UBA3: variants seen among roughly 807,000 people sequenced by gnomAD.
The protein encoded by UBA3 is NEDD8-activating enzyme E1 catalytic subunit.
UBA3 carries 26 observed loss-of-function variants against 73.5 expected under a neutral mutation model. That is an observed-to-expected ratio of 0.35 (90% CI 0.26 to 0.49). The LOEUF (loss-of-function observed/expected upper bound fraction) is 0.49, where lower values mean the gene tolerates loss of function less well. Among genes scored for constraint, UBA3 ranks in the 20% least tolerant of loss-of-function variants. The pLI is 0.98. For missense variants in UBA3, 495 were observed against 555.6 expected (o/e 0.89, Z 1.10); for synonymous variants, 217 against 191.2 (o/e 1.13, Z -1.11).
intron 11 of UBA3, among the ~76,000 whole-genome samples, chr3:69,060,743 C>T (rs1037330072): frequency 2.0e-5 from 3 of 152,102 alleles, no homozygotes; most frequent in South Asian, 2.1e-4. Context: ...GTGTTTGGAC[C>T]GTTAGGGCAG....
intron 11 of UBA3, among the ~76,000 whole-genome samples, chr3:69,057,699 A>T (rs1004302603): frequency 6.6e-5 from 10 of 152,332 alleles, no homozygotes; most frequent in African/African-American, 1.7e-4. Context: ...TTAGTAATTT[A>T]TCCACAGCTA....
intron 1 of UBA3, 63 bp from the exon 2 acceptor site, chr3:69,080,216 G>A (rs2092206995): frequency 6.5e-7 from 1 of 1,541,494 alleles, no homozygotes; most frequent in Non-Finnish European, 8.8e-7. Context: ...CGAGGGGAGG[G>A]GGGCGAGGGG....
chr3:69,054,746 T>C lies in UBA3; in HGVS notation c.*691A>G, dbSNP rs1318956278. 3 of 152,222 alleles carry C rather than the reference T, an allele frequency of 2.0e-5. No individual in the cohort carries two copies. The highest frequency in any genetic ancestry group is 7.2e-5 in the African/African-American group (3 of 41,454). 9.4% of individuals were successfully genotyped at this position (152,222 alleles called of 1,614,324 possible). A position where few individuals can be genotyped will look rare whatever the true frequency, so the allele number is the denominator to read the frequency against. On this transcript the variant is annotated 3_prime_UTR_variant, in exon 18 of 18. Coordinates refer to ENST00000361055, the MANE Select transcript of UBA3 (RefSeq NM_003968.4). ...TGAAAGAAGTACACAATATATGATT[T>C]TATTAATAAATAGTGCAAAAGCATC...
chr3:69,055,929 G>A (rs775525165), intron 16 of UBA3, 24 bp from the exon 17 acceptor site: 2 of 1,605,306 alleles, frequency 1.2e-6, no homozygotes, highest in South Asian at 1.1e-5. Context: ...TTACTTTAAT[G>A]TAAGACACAT....
intron 11 of UBA3, among the ~76,000 whole-genome samples, chr3:69,059,651 A>T (rs1436106445): frequency 6.6e-6 from 1 of 152,170 alleles, no homozygotes; most frequent in Non-Finnish European, 1.5e-5. Context: ...CCGTGTAGGG[A>T]GAATGCAGAG....
At chr3:69,057,179 A>G (rs549379682) in intron 12 of UBA3, 77 bp downstream of exon 12, 1 of 1,434,422 alleles carries the variant, frequency 7.0e-7, no homozygotes, top group Admixed American at 1.9e-5. Context: ...TCAAATTCCT[A>G]CAACACAAAA....
In UBA3 at chr3:69,055,137, C is replaced by G. The variant is rs1553682114; in HGVS notation, c.*300G>C. On this transcript the variant is annotated 3_prime_UTR_variant, in exon 18 of 18. Transcript: ENST00000361055. ...GAAAACTTAGGAATGCATTCTTTGA[C>G]CATAATAACAAAATTCACACAAAAG... 2 of 202,480 alleles carry G rather than the reference C, an allele frequency of 9.9e-6. No individual in the cohort carries two copies. Among genetic ancestry groups the G allele is most frequent in the Non-Finnish European group, 2.0e-5 (2 of 101,744 alleles). The allele number at this position is 202,480 out of a possible 1,614,324, so 12.5% of individuals were successfully genotyped here. A position where few individuals can be genotyped will look rare whatever the true frequency, so the allele number is the denominator to read the frequency against.
chr3:69,069,079 G>T (rs1291029078), intron 5 of UBA3, among the ~76,000 whole-genome samples: 2 of 151,980 alleles, frequency 1.3e-5, no homozygotes, highest in Non-Finnish European at 2.9e-5. Flanking sequence ...TCTCCTCAGA[G>T]AAATCACTCC....
intron 11 of UBA3, 38 bp from the exon 12 acceptor site, chr3:69,057,347 T>C (rs761702613): frequency 1.9e-6 from 3 of 1,564,312 alleles, no homozygotes; most frequent in East Asian, 2.3e-5. Context: ...GTCATTTCTT[T>C]AAAATAAAAG....
At chr3:69,065,443 T>A (rs2092062209) in intron 6 of UBA3, among the ~76,000 whole-genome samples, 1 of 152,222 alleles carries the variant, frequency 6.6e-6, no homozygotes, top group Non-Finnish European at 1.5e-5. Context: ...AATTCTGTCA[T>A]TTAAACACAC....
intron 12 of UBA3, 111 bp from the exon 13 acceptor site, chr3:69,056,926 C>T: frequency 2.4e-6 from 3 of 1,226,874 alleles, no homozygotes; most frequent in Non-Finnish European, 3.4e-6. Flanking sequence ...TTAAAAAATA[C>T]ATATTCCAAT....
At position 69,056,034 on chromosome 3, in the gene UBA3, G is replaced by T. The variant is rs747189162; in HGVS notation, c.1214C>A (p.Thr405Asn). Residue 405 changes from threonine (T) to asparagine (N), a missense_variant, in exon 16 of 18, where the codon ACC becomes AAC. Coordinates refer to ENST00000361055, the MANE Select transcript of UBA3 (RefSeq NM_003968.4). ...LQMKSPAITA[T>N]LEGKNRTLYL... ...AAGTGTTCTATTTTTTCCCTCTAGG[G>T]TGGCTGTGATGGCTGGAGATTTCAT... 1.2e-4 allele frequency: 186 copies of T among 1,605,602 alleles called. No homozygotes were observed. The highest frequency in any genetic ancestry group is 1.5e-4 in the Non-Finnish European group (171 of 1,177,720).
At chr3:69,056,314 A>T in intron 14 of UBA3, 31 bp from the exon 15 acceptor site, 1 of 1,453,406 alleles carries the variant, frequency 6.9e-7, no homozygotes, top group Non-Finnish European at 9.4e-7. Flanking sequence ...AAATTACAGC[A>T]GCACATGCAC....
chr3:69,056,550 A>G, intron 14 of UBA3, 62 bp downstream of exon 14: 1 of 1,409,074 alleles, frequency 7.1e-7, no homozygotes, highest in South Asian at 1.2e-5. Flanking sequence ...TCAAATTTCT[A>G]ACCAATAATA....
rs1244739049 is a variant in UBA3 at position 69,057,319 on chromosome 3, C to T, written c.911-10G>A. 4.4e-6 allele frequency: 7 copies of T among 1,605,726 alleles called. No homozygotes were observed. The highest frequency in any genetic ancestry group is 6.0e-6 in the Non-Finnish European group (7 of 1,176,020). The stretch of plus-strand genomic sequence containing the variant: ...ATTCTTTTTACTACCCCTGAAAAAA[C>T]ATATCAATTAAAATATGGTCATTTC... On this transcript the variant is annotated splice_polypyrimidine_tract_variant and intron_variant, in intron 11 of 17. Transcript: ENST00000361055.
Position 69,067,930 on chromosome 3 carries a change from A to C in UBA3, c.426T>G (p.Val142=). 6.2e-7 allele frequency: 1 copy of C among 1,601,754 alleles called. No homozygotes were observed. The highest frequency in any genetic ancestry group is 1.1e-5 in the South Asian group (1 of 89,286). The part of the protein sequence containing the change: ...LNDRVPNCNV[V]PHFNKIQDFN... ...TTTTCTTTTTGTCAAAAGGATACGG[A>C]ACTACATTGCAATTAGGAACTCTGT... Residue 142 remains valine, a splice_region_variant and synonymous_variant, in exon 6 of 18, where the codon GTT becomes GTG. Coordinates refer to ENST00000361055, the MANE Select transcript of UBA3 (RefSeq NM_003968.4).
chr3:69,079,922 G>A, intron 2 of UBA3, 190 bp downstream of exon 2: 1 of 556,038 alleles, frequency 1.8e-6, no homozygotes, highest in Non-Finnish European at 3.1e-6. Flanking sequence ...GCCCGCACCG[G>A]GCAGATACCG....
chr3:69,078,064 C>T, intron 2 of UBA3, 146 bp from the exon 3 acceptor site: 5 of 1,131,310 alleles, frequency 4.4e-6, no homozygotes, highest in Non-Finnish European at 6.0e-6. Context: ...TATGTTTATG[C>T]TTTGAAATTT....
intron 6 of UBA3, among the ~76,000 whole-genome samples, chr3:69,065,452 A>G (rs955258822): frequency 1.1e-4 from 17 of 152,376 alleles, no homozygotes; most frequent in African/African-American, 2.4e-4. Context: ...ATTTAAACAC[A>G]CATAGATTTG....
Sources: gnomAD v4.1 joint callset for allele counts (sites outside exome capture counted in the v4.1 genomes callset) on GRCh38, gnomAD v4.1.1 for gene constraint, MANE v1.5 for transcripts, NCBI Gene and HGNC (gene_info 2026-07-23, HGNC 2026-07-21) for gene names.